DNA2: variants seen among roughly 807,000 people sequenced by gnomAD.
DNA2 encodes the protein DNA replication ATP-dependent helicase/nuclease DNA2.
In DNA2, 101 loss-of-function variants were observed where a neutral mutation model predicts 119.1. That is an observed-to-expected ratio of 0.85 (90% confidence interval 0.72 to 1.00). DNA2 has a LOEUF of 1.00. Ranked by LOEUF, DNA2 falls within the 50% of genes least tolerant of loss-of-function variation. The pLI is 0.00. For missense variants in DNA2, 1,121 were observed against 1,255.5 expected (o/e 0.89, Z 1.62); for synonymous variants, 366 against 424.4 (o/e 0.86, Z 1.69).
chr10:68,465,941 A>AT, intron 3 of DNA2, 129 bp from the exon 4 acceptor site: 1 of 826,978 alleles, frequency 1.2e-6, no homozygotes, highest in Non-Finnish European at 1.6e-6. Context: ...TATTAAAAAA[A>AT]TTTTTTTCTG....
intron 18 of DNA2, 114 bp downstream of exon 18, chr10:68,419,689 A>C (rs1383332647): frequency 2.7e-6 from 2 of 729,324 alleles, no homozygotes; most frequent in Non-Finnish European, 4.7e-6. Context: ...TGGGGCTTCA[A>C]TCCCCCCCTT....
chr10:68,437,038 A>T lies in DNA2; in HGVS notation c.1619T>A (p.Met540Lys). 2 of 1,611,456 alleles carry T rather than the reference A, an allele frequency of 1.2e-6. No individual in the cohort carries two copies. The highest frequency in any genetic ancestry group is 1.7e-6 in the Non-Finnish European group (2 of 1,178,990). The change falls in exon 10 of 21, where the codon ATG becomes AAG. Residue 540 changes from methionine to lysine, a missense_variant. Met to Lys is a moderately conservative substitution (Grantham distance 95). Coordinates refer to ENST00000358410, the MANE Select transcript of DNA2 (RefSeq NM_001080449.3). Reference sequence around the variant, plus strand: ...GTCTAATAAACAAGTTACTGTTGTCATGTTAATCTCCTTCACATATCCTCT... The same window carrying T: ...GTCTAATAAACAAGTTACTGTTGTCTTGTTAATCTCCTTCACATATCCTCT... ...LSRGYVKEINMTTVTCLLDRN... is the reference protein window; with the variant it reads ...LSRGYVKEINKTTVTCLLDRN...
At position 68,436,997 on chromosome 10, in the gene DNA2, TA is replaced by T; in HGVS notation, c.1646+13del. On this transcript the variant is annotated intron_variant, in intron 10 of 20. Transcript: ENST00000358410. ...TCAATAAAGCTGTTATCAAAAAAAG[TA>T]ACATTTCATTACCTGTCTAATAAAC... 6.3e-7 allele frequency: 1 copy of T among 1,581,144 alleles called. No individual in the cohort carries two copies.
intron 3 of DNA2, among the ~76,000 whole-genome samples, chr10:68,466,982 G>GT (rs1243978892): frequency 1.3e-5 from 2 of 152,166 alleles, no homozygotes; most frequent in East Asian, 1.9e-4. Context: ...CAAGGCTTCA[G>GT]TGACACACTG....
upstream of DNA2, chr10:68,472,015 C>T (rs371207872): frequency 2.5e-6 from 4 of 1,608,982 alleles, no homozygotes; most frequent in South Asian, 3.3e-5. Flanking sequence ...CGCCAGGCCG[C>T]CCCTCCCGCG....
intron 9 of DNA2, 124 bp from the exon 10 acceptor site, chr10:68,437,365 G>C: frequency 1.2e-6 from 1 of 834,438 alleles, no homozygotes; most frequent in Non-Finnish European, 1.8e-6. Flanking sequence ...GCCGGGTGTG[G>C]TGGCTCACGC....
chr10:68,427,146 A>G (rs2051752137), intron 14 of DNA2, among the ~76,000 whole-genome samples: 1 of 151,962 alleles, frequency 6.6e-6, no homozygotes, highest in African/African-American at 2.4e-5. Context: ...AGGCAGGTGG[A>G]TCACCTGAGG....
Position 68,422,563 on chromosome 10 carries a change from T to A in DNA2, c.2444A>T (p.Gln815Leu). Residue 815 changes from glutamine (Q) to leucine (L), a missense_variant, in exon 16 of 21, where the codon CAG (glutamine) becomes CTG (leucine). Physicochemically the swap from Gln to Leu is moderately radical, Grantham distance 113. Transcript: ENST00000358410. Reference sequence around the variant, plus strand: ...TAACTGTACAACAGCACTCTTATTCTGCTCCAGCCTCTTGAATAAGCTTTC... The same window carrying A: ...TAACTGTACAACAGCACTCTTATTCAGCTCCAGCCTCTTGAATAAGCTTTC... ...MSESLFKRLEQNKSAVVQLTV... is the reference protein window; with the variant it reads ...MSESLFKRLELNKSAVVQLTV... The A allele has an allele frequency of 6.2e-7, 1 of 1,614,048 alleles. No individual in the cohort carries two copies. Among genetic ancestry groups the A allele is most frequent in the Non-Finnish European group, 8.5e-7 (1 of 1,179,900 alleles).
intron 6 of DNA2, among the ~76,000 whole-genome samples, chr10:68,447,870 G>T (rs1462374952): frequency 1.3e-5 from 2 of 151,672 alleles, no homozygotes; most frequent in Non-Finnish European, 2.9e-5. Context: ...TGTAGTCCCA[G>T]CTACTCGGGA....
intron 17 of DNA2, among the ~76,000 whole-genome samples, chr10:68,420,195 A>G (rs1199725290): frequency 6.6e-6 from 1 of 152,210 alleles, no homozygotes; most frequent in Admixed American, 6.5e-5. Context: ...AAGGCAGAAA[A>G]GAATAAGTAA....
intron 5 of DNA2, among the ~76,000 whole-genome samples, 164 bp from the exon 6 acceptor site, chr10:68,450,411 A>C (rs1206012074): frequency 1.3e-5 from 2 of 152,196 alleles, no homozygotes; most frequent in African/African-American, 4.8e-5. Flanking sequence ...CAGTAGCATC[A>C]GCATCACCTG....
chr10:68,461,129 A>G (rs1414574759), intron 4 of DNA2, among the ~76,000 whole-genome samples: 2 of 152,224 alleles, frequency 1.3e-5, no homozygotes, highest in Non-Finnish European at 2.9e-5. Flanking sequence ...GCCTTACAAC[A>G]TGAAAGGACA....
intron 9 of DNA2, among the ~76,000 whole-genome samples, chr10:68,438,164 G>A (rs1421162586): frequency 6.6e-6 from 1 of 152,106 alleles, no homozygotes; most frequent in Non-Finnish European, 1.5e-5. Flanking sequence ...CACTTCTTGG[G>A]CTGATACATA....
intron 9 of DNA2, 34 bp from the exon 10 acceptor site, chr10:68,437,275 T>G: frequency 2.0e-6 from 3 of 1,507,296 alleles, no homozygotes; most frequent in Non-Finnish European, 2.7e-6. Flanking sequence ...AAACTTCTGT[T>G]TATATTACAT....
chr10:68,450,733 A>G (rs1281401970), intron 5 of DNA2, among the ~76,000 whole-genome samples: 1 of 152,190 alleles, frequency 6.6e-6, no homozygotes, highest in Non-Finnish European at 1.5e-5. Context: ...TTGATATACA[A>G]TTATTACGCA....
chr10:68,421,257 G>C (rs1300001533), intron 17 of DNA2, among the ~76,000 whole-genome samples: 2 of 151,554 alleles, frequency 1.3e-5, no homozygotes, highest in Non-Finnish European at 2.9e-5. Flanking sequence ...TTTTTAAAAA[G>C]TCTTTAAAAG....
intron 14 of DNA2, chr10:68,425,023 T>G: frequency 2.0e-6 from 1 of 493,920 alleles, no homozygotes; most frequent in Admixed American, 2.7e-5. Context: ...CAACCATGGT[T>G]TAACTGAGAT....
chr10:68,428,151 C>A (rs1474013543), intron 14 of DNA2, among the ~76,000 whole-genome samples: 2 of 151,850 alleles, frequency 1.3e-5, no homozygotes, highest in Non-Finnish European at 2.9e-5. Flanking sequence ...CATGATGAAA[C>A]CCCATCTCTA....
chr10:68,434,989 C>G (rs1271194124), intron 10 of DNA2, among the ~76,000 whole-genome samples: 2 of 152,158 alleles, frequency 1.3e-5, no homozygotes, highest in African/African-American at 4.8e-5. Context: ...CACAATCCAT[C>G]TGACTGTGAA....
Sources: gnomAD v4.1 joint callset for allele counts (sites outside exome capture counted in the v4.1 genomes callset) on GRCh38, gnomAD v4.1.1 for gene constraint, MANE v1.5 for transcripts, NCBI Gene and HGNC (gene_info 2026-07-23, HGNC 2026-07-21) for gene names.